RGR: variants seen among roughly 807,000 people sequenced by gnomAD.
The protein encoded by RGR is RPE-retinal G protein-coupled receptor.
Under a neutral mutation model 28.6 loss-of-function variants are expected in RGR, and 30 were observed. The ratio of observed to expected loss-of-function variants is 1.05; its 90% CI spans 0.78 to 1.42. The LOEUF (loss-of-function observed/expected upper bound fraction) is 1.42. Ranked by LOEUF, RGR falls within the 40% of genes most tolerant of loss-of-function variation. The pLI, the probability that RGR is intolerant of heterozygous loss-of-function variation, is 0.00. For synonymous variants in RGR, 180 were observed against 156.4 expected, an observed-to-expected ratio of 1.15 and a Z score of -1.13; for missense variants, 404 against 375.6, an observed-to-expected ratio of 1.08 and a Z score of -0.62.
intron 4 of RGR, among the ~76,000 whole-genome samples, chr10:84,253,683 C>G (rs1175477252): frequency 6.6e-6 from 1 of 152,212 alleles, no homozygotes; most frequent in Non-Finnish European, 1.5e-5. Flanking sequence ...GGCATCTGCA[C>G]TGGATGACAG....
chr10:84,251,413 T>C (rs1842816871), intron 3 of RGR, among the ~76,000 whole-genome samples: 1 of 152,156 alleles, frequency 6.6e-6, no homozygotes, highest in South Asian at 2.1e-4. Flanking sequence ...ATTTCTCAGT[T>C]ATTCAGGCTG....
At chr10:84,256,336 G>T (rs1026885857) in intron 5 of RGR, among the ~76,000 whole-genome samples, 1 of 152,042 alleles carries the variant, frequency 6.6e-6, no homozygotes, top group South Asian at 2.1e-4. Context: ...TTACAGGTTT[G>T]AGCTATCGTG....
intron 5 of RGR, among the ~76,000 whole-genome samples, chr10:84,256,768 C>T (rs931017399): frequency 2.6e-5 from 4 of 152,040 alleles, no homozygotes; most frequent in Admixed American, 6.5e-5. Flanking sequence ...CTCAGGCAGC[C>T]GGGAGACAAG....
Position 84,258,664 on chromosome 10 carries a change from AG to A in RGR, c.*27del, listed in dbSNP as rs1364766650. On this transcript the variant is annotated 3_prime_UTR_variant, in exon 7 of 7. Transcript: ENST00000652092. Reference sequence around the variant, plus strand: ...AGCCTGCCACCCTGGAGTGAGCCCCAGGCCAGGAGGCTGTTCCAGGAGTCCT... The same window carrying A: ...AGCCTGCCACCCTGGAGTGAGCCCCAGCCAGGAGGCTGTTCCAGGAGTCCT... 3 of 1,613,732 alleles carry A rather than the reference AG, an allele frequency of 1.9e-6. No individual in the cohort carries two copies. The highest frequency in any genetic ancestry group is 4.5e-5 in the East Asian group (2 of 44,850).
intron 3 of RGR, chr10:84,250,467 C>A (rs1371147250): frequency 4.2e-6 from 3 of 716,788 alleles, no homozygotes; most frequent in East Asian, 2.7e-5. Flanking sequence ...GCACTTCTCC[C>A]ACTCCTTACA....
At chr10:84,250,517 TACACAC>T (rs34459757) in intron 3 of RGR, 60,819 of 603,008 alleles carry the variant, frequency 0.1, 4,215 homozygotes, top group African/African-American at 0.4. Context: ...GACCATCTTA[TACACAC>T]ACACACACAC....
chr10:84,254,535 A>C, intron 5 of RGR, 92 bp downstream of exon 5: 1 of 1,026,898 alleles, frequency 9.7e-7, no homozygotes, highest in East Asian at 2.4e-5. Flanking sequence ...GACACACACA[A>C]ACAGCAAAAC....
intron 3 of RGR, among the ~76,000 whole-genome samples, chr10:84,251,353 G>T (rs898354070): frequency 2.0e-5 from 3 of 152,128 alleles, no homozygotes; most frequent in Admixed American, 6.5e-5. Context: ...GTCTGCCCAG[G>T]CTCCTATAAT....
rs146204271 is a variant in RGR at position 84,250,162 on chromosome 10, G to A, written c.358+1119G>A. 4.6e-3 allele frequency among the ~76,000 whole-genome samples: 702 copies of A among 152,222 alleles called. 5 individuals are homozygous for A. Among genetic ancestry groups the A allele is most frequent in the African/African-American group, 0.016 (680 of 41,538 alleles). ...GTTAAGCAGCTTGCCTCGCTACTAA[G>A]GGCAGAGCCAGCACTGGGCATGACC... On this transcript the variant is annotated intron_variant, in intron 3 of 6. Coordinates refer to ENST00000652092, the MANE Select transcript of RGR (RefSeq NM_001012720.2).
At chr10:84,250,210 A>G (rs1350532608) in intron 3 of RGR, among the ~76,000 whole-genome samples, 2 of 152,174 alleles carry the variant, frequency 1.3e-5, no homozygotes, top group South Asian at 2.1e-4. Context: ...GTCCTGAGCT[A>G]TGAATTTGTC....
At chr10:84,254,499 G>C in intron 5 of RGR, 56 bp downstream of exon 5, 1 of 1,414,680 alleles carries the variant, frequency 7.1e-7, no homozygotes, top group Non-Finnish European at 1.0e-6. Flanking sequence ...CCAGGCTCTT[G>C]GTGTCCCGAA....
intron 2 of RGR, chr10:84,248,466 T>A: frequency 7.2e-6 from 2 of 279,618 alleles, no homozygotes; most frequent in South Asian, 8.0e-5. Flanking sequence ...CTGGGGGGTC[T>A]GCATCAGTGA....
At position 84,252,894 on chromosome 10, in the gene RGR, G is replaced by T; in HGVS notation, c.396G>T (p.Val132=). 1 of 1,614,096 alleles carries T rather than the reference G, an allele frequency of 6.2e-7. No homozygotes were observed. ...CCTGGAACTCAGCCGTCTCTCTGGT[G>T]CTCTTCGTGTGGCTGTCTTCTGCCT... ...QLAWNSAVSL[V]LFVWLSSAFW... is the part of the protein sequence containing the mutation. The change falls in exon 4 of 7, where the codon GTG becomes GTT. Residue 132 remains valine, a synonymous_variant. Coordinates refer to ENST00000652092, the MANE Select transcript of RGR (RefSeq NM_001012720.2).
At chr10:84,248,794 C>A in intron 2 of RGR, 128 bp from the exon 3 acceptor site, 4 of 1,558,764 alleles carry the variant, frequency 2.6e-6, no homozygotes, top group Non-Finnish European at 3.5e-6. Context: ...AGGAAAGACA[C>A]CAATATTAAG....
rs990602385 is a variant in RGR, at chr10:84,247,531, C to G, written c.80-60C>G. On this transcript the variant is annotated intron_variant, in intron 1 of 6. Coordinates refer to ENST00000652092, the MANE Select transcript of RGR (RefSeq NM_001012720.2). ...TGATGTTCCATCCACCCCACACACA[C>G]TGTTCTGACCCCAGCTGGGCCTCAG... 4 of 1,601,798 alleles carry G rather than the reference C, an allele frequency of 2.5e-6. No homozygotes were observed. In the East Asian group the frequency reaches 6.7e-5, roughly 27 times the overall value.
intron 5 of RGR, among the ~76,000 whole-genome samples, chr10:84,255,770 G>C (rs989227371): frequency 1.4e-5 from 2 of 144,444 alleles, no homozygotes; most frequent in African/African-American, 5.1e-5. Context: ...TGTTGCCCAG[G>C]CTGGAGCGCA....
At chr10:84,257,870 C>A in intron 5 of RGR, 23 bp from the exon 6 acceptor site, 1 of 1,609,562 alleles carries the variant, frequency 6.2e-7, no homozygotes, top group Non-Finnish European at 8.5e-7. Flanking sequence ...AAGCTGACAT[C>A]TCCTGTGACA....
At chr10:84,252,394 C>T (rs767904498) in intron 3 of RGR, among the ~76,000 whole-genome samples, 58 of 152,318 alleles carry the variant, frequency 3.8e-4, no homozygotes, top group Admixed American at 3.0e-3. Context: ...TCTCTGAAAA[C>T]GTATCTGTCT....
intron 2 of RGR, 106 bp from the exon 3 acceptor site, chr10:84,248,816 A>G: frequency 1.3e-6 from 2 of 1,588,806 alleles, no homozygotes; most frequent in Non-Finnish European, 1.7e-6. Context: ...CCCTCTTCAG[A>G]GAAGAAGGGC....
Sources: gnomAD v4.1 joint callset for allele counts (sites outside exome capture counted in the v4.1 genomes callset) on GRCh38, gnomAD v4.1.1 for gene constraint, MANE v1.5 for transcripts, NCBI Gene and HGNC (gene_info 2026-07-23, HGNC 2026-07-21) for gene names.